GPR137B: variants seen among roughly 807,000 people sequenced by gnomAD.
GPR137B encodes the protein integral membrane protein GPR137B.
In GPR137B, 42 loss-of-function variants were observed where a neutral mutation model predicts 42.5. That is an observed-to-expected ratio of 0.99 (90% CI 0.77 to 1.28). GPR137B has a LOEUF of 1.28. GPR137B is among the 50% of genes most tolerant of loss of function. The probability of loss-of-function intolerance (pLI) is 0.00; values close to 1 mark genes in which losing one functional copy is unlikely to be tolerated. For missense variants in GPR137B, 487 were observed against 493.9 expected (o/e 0.99, Z 0.13); for synonymous variants, 218 against 209.7 (o/e 1.04, Z -0.34).
intron 1 of GPR137B, 118 bp from the exon 2 acceptor site, chr1:236,168,588 T>C: frequency 1.3e-6 from 1 of 744,968 alleles, no homozygotes; most frequent in East Asian, 2.5e-5. Context: ...ACATTTCAAT[T>C]ATAAAAAACG....
chr1:236,158,390 C>T (rs1188611087), intron 1 of GPR137B, among the ~76,000 whole-genome samples: 1 of 152,204 alleles, frequency 6.6e-6, no homozygotes, highest in Non-Finnish European at 1.5e-5. Flanking sequence ...CACCACTGCG[C>T]TCCAGCCTAG....
chr1:236,143,148 A>T, intron 1 of GPR137B, 112 bp downstream of exon 1: 3 of 899,774 alleles, frequency 3.3e-6, no homozygotes, highest in Non-Finnish European at 3.4e-6. Context: ...TAGGGCTGAG[A>T]GTGTAGGGAG....
At chr1:236,202,083 G>A (rs894081027) in intron 5 of GPR137B, among the ~76,000 whole-genome samples, 2 of 152,024 alleles carry the variant, frequency 1.3e-5, no homozygotes, top group African/African-American at 2.4e-5. Context: ...TCTGCAAAGA[G>A]TCCTGTGATG....
chr1:236,144,522 G>A lies in GPR137B; in HGVS notation c.414+1486G>A, dbSNP rs577765941. 1.9e-4 allele frequency among the ~76,000 whole-genome samples: 29 copies of A among 152,384 alleles called. No homozygotes were observed. In the South Asian group the frequency reaches 5.8e-3, roughly 30 times the overall value. ...AAGAAGTACTTTTGGCTAAAAAATA[G>A]CATATGTGATATTTTGTAGATAGTA... is the stretch of plus-strand genomic sequence containing the variant. On this transcript the variant is annotated intron_variant, in intron 1 of 6. Transcript: ENST00000366592.
rs1047100291 is a variant in GPR137B at position 236,205,389 on chromosome 1, A to G, written c.1091+139A>G. ...TATAAGACTGGATTCTCAGTAGATC[A>G]TTTTACTTATGTGAAACATTCAGGA... is the stretch of plus-strand genomic sequence containing the variant. On this transcript the variant is annotated intron_variant, in intron 6 of 6. Coordinates refer to ENST00000366592, the MANE Select transcript of GPR137B (RefSeq NM_003272.4). 7.4e-6 allele frequency: 5 copies of G among 674,498 alleles called. No individual in the cohort carries two copies. In the African/African-American group the frequency reaches 8.9e-5, roughly 12 times the overall value. 41.8% of individuals were successfully genotyped at this position (674,498 alleles called of 1,614,324 possible). A position where few individuals can be genotyped will look rare whatever the true frequency, so the allele number is the denominator to read the frequency against.
intron 3 of GPR137B, 149 bp downstream of exon 3, chr1:236,178,785 GTT>G (rs3082534): frequency 0.019 from 945 of 49,408 alleles, 52 homozygotes; most frequent in South Asian, 0.037. Flanking sequence ...GCTACTCGAG[GTT>G]TTTTTTTTTT....
chr1:236,174,592 G>A (rs1418858830), intron 2 of GPR137B, among the ~76,000 whole-genome samples: 1 of 152,178 alleles, frequency 6.6e-6, no homozygotes, highest in African/African-American at 2.4e-5. Flanking sequence ...GATTATATAG[G>A]GGGTGGATGG....
chr1:236,149,116 G>T (rs1299467377), intron 1 of GPR137B, among the ~76,000 whole-genome samples: 1 of 152,206 alleles, frequency 6.6e-6, no homozygotes. Flanking sequence ...TGTCCTGAAG[G>T]TCAGGTCCCC....
chr1:236,204,292 T>C (rs1455429835), intron 5 of GPR137B, among the ~76,000 whole-genome samples: 4 of 152,224 alleles, frequency 2.6e-5, no homozygotes, highest in Non-Finnish European at 5.9e-5. Context: ...TCCAATGTAT[T>C]GTTGAATTTG....
chr1:236,201,723 G>A (rs939846997), intron 5 of GPR137B, among the ~76,000 whole-genome samples: 1 of 151,994 alleles, frequency 6.6e-6, no homozygotes, highest in African/African-American at 2.4e-5. Flanking sequence ...TCTTTGAGTA[G>A]CTTAATAATC....
Position 236,178,488 on chromosome 1 carries a change from T to C in GPR137B, c.539T>C (p.Val180Ala). Reference sequence around the variant, plus strand: ...GTGAATTTAACCTGTGCTGTGCTGGTAAAGACGGGAAATTGGGAGAGGAAG... The same window carrying C: ...GTGAATTTAACCTGTGCTGTGCTGGCAAAGACGGGAAATTGGGAGAGGAAG... Reference protein sequence around the residue: ...LLVNLTCAVLVKTGNWERKVI... With the variant: ...LLVNLTCAVLAKTGNWERKVI... Residue 180 changes from valine to alanine, a missense_variant, in exon 3 of 7, where the codon GTA (valine) becomes GCA (alanine). Transcript: ENST00000366592. 6.2e-7 allele frequency: 1 copy of C among 1,613,988 alleles called. No homozygotes were observed. The highest frequency in any genetic ancestry group is 8.5e-7 in the Non-Finnish European group (1 of 1,179,968).
chr1:236,166,484 T>TTATATATATAATATATATATTTA (rs373361122), intron 1 of GPR137B, among the ~76,000 whole-genome samples: 1,670 of 139,560 alleles, frequency 0.012, 60 homozygotes, highest in African/African-American at 0.045. Context: ...TTATATATAT[T>TTATATATATAATATATATATTTA]TATATATACA....
At position 236,208,697 on chromosome 1, in the gene GPR137B, A is replaced by C. The variant is rs1490873518; in HGVS notation, c.*539A>C. 1.0e-6 allele frequency: 1 copy of C among 985,292 alleles called. No individual in the cohort carries two copies. The highest frequency in any genetic ancestry group is 1.7e-5 in the African/African-American group (1 of 57,242). The allele number at this position is 985,292 out of a possible 1,614,324, so 61.0% of individuals were successfully genotyped here. ...AATTGCAACTCCAGTGTTGATAATT[A>C]AAATGAAATGGTAAAGCAGCAGACT... On this transcript the variant is annotated 3_prime_UTR_variant, in exon 7 of 7. Coordinates refer to ENST00000366592, the MANE Select transcript of GPR137B (RefSeq NM_003272.4).
chr1:236,152,334 C>T (rs933955309), intron 1 of GPR137B, among the ~76,000 whole-genome samples: 9 of 151,994 alleles, frequency 5.9e-5, no homozygotes, highest in African/African-American at 2.2e-4. Context: ...TAGTGGCATG[C>T]ACCTGTAATC....
rs374692595 is a variant in GPR137B at position 236,150,864 on chromosome 1, C to T, written c.414+7828C>T. Reference sequence around the variant, plus strand: ...TTCCAGGGCCCAGCCATGGCTGTCCCGCTGCTGCTGTGCCCACCCTCTGAG... The same window carrying T: ...TTCCAGGGCCCAGCCATGGCTGTCCTGCTGCTGCTGTGCCCACCCTCTGAG... On this transcript the variant is annotated intron_variant, in intron 1 of 6. Transcript: ENST00000366592. The surrounding 1 kb of genome is among the most constrained non-coding windows in gnomAD (Gnocchi z 6.2). 6.2e-4 allele frequency among the ~76,000 whole-genome samples: 95 copies of T among 152,310 alleles called. No homozygotes were observed. Among genetic ancestry groups the T allele is most frequent in the East Asian group, 6.2e-3 (32 of 5,192 alleles).
intron 5 of GPR137B, among the ~76,000 whole-genome samples, chr1:236,199,743 CT>C (rs1246140922): frequency 6.6e-6 from 1 of 151,402 alleles, no homozygotes; most frequent in African/African-American, 2.4e-5. Context: ...TTTGGATCTT[CT>C]GTCTTCTTGG....
At chr1:236,146,024 A>C (rs924681438) in intron 1 of GPR137B, among the ~76,000 whole-genome samples, 11 of 152,078 alleles carry the variant, frequency 7.2e-5, no homozygotes, top group African/African-American at 1.9e-4. Context: ...CACCTGGCTA[A>C]TTTTTGTATT....
intron 1 of GPR137B, among the ~76,000 whole-genome samples, chr1:236,154,778 G>A (rs1251813675): frequency 2.0e-5 from 3 of 152,106 alleles, no homozygotes; most frequent in Non-Finnish European, 4.4e-5. Flanking sequence ...TTTTTGCATC[G>A]TTTGCCAGCA....
In GPR137B at chr1:236,205,201, AGTG is replaced by A; in HGVS notation, c.1043_1045del (p.Ser348_Asp349delinsAsn). 1 of 1,613,132 alleles carries A rather than the reference AGTG, an allele frequency of 6.2e-7. No individual in the cohort carries two copies. Among genetic ancestry groups the A allele is most frequent in the Non-Finnish European group, 8.5e-7 (1 of 1,179,114 alleles). On this transcript the variant is annotated inframe_deletion, in exon 6 of 7. Coordinates refer to ENST00000366592, the MANE Select transcript of GPR137B (RefSeq NM_003272.4). Reference sequence around the variant, plus strand: ...CTTTGACAACCCTCGAAGATATGACAGTGATGATGACCTTGCCTGGAACATTGC... The same window carrying A: ...CTTTGACAACCCTCGAAGATATGACAATGATGACCTTGCCTGGAACATTGC...
Sources: gnomAD v4.1 joint callset for allele counts (sites outside exome capture counted in the v4.1 genomes callset) on GRCh38, gnomAD v4.1.1 for gene constraint, Gnocchi (gnomAD v3.1) non-coding constraint, MANE v1.5 for transcripts, NCBI Gene and HGNC (gene_info 2026-07-23, HGNC 2026-07-21) for gene names.